The following RNF32 variants were observed in gnomAD, a reference collection of about 807,000 sequenced individuals.
The protein encoded by RNF32 is ring finger protein 32.
In RNF32, 36 loss-of-function variants were observed where a neutral mutation model predicts 41.0. That is an observed-to-expected ratio of 0.88 (90% confidence interval 0.67 to 1.16). The LOEUF (loss-of-function observed/expected upper bound fraction) is 1.16. RNF32 is among the 50% of genes most tolerant of loss of function. RNF32 has a pLI of 0.00. For synonymous variants in RNF32, 154 were observed against 160.9 expected, an observed-to-expected ratio of 0.96 and a Z score of 0.32; for missense variants, 413 against 436.7, an observed-to-expected ratio of 0.95 and a Z score of 0.48.
intron 7 of RNF32, among the ~76,000 whole-genome samples, chr7:156,663,706 A>G (rs915531270): frequency 6.6e-6 from 1 of 152,236 alleles, no homozygotes; most frequent in African/African-American, 2.4e-5. Context: ...TTTGGCAACT[A>G]AGATTCTTGG....
intron 6 of RNF32, 87 bp downstream of exon 6, chr7:156,658,339 T>C: frequency 6.3e-7 from 1 of 1,575,410 alleles, no homozygotes; most frequent in South Asian, 1.1e-5. Flanking sequence ...GGATTTTATC[T>C]CTCTTCTTGG....
intron 7 of RNF32, chr7:156,660,257 T>C (rs1057148625): frequency 1.0e-6 from 1 of 985,324 alleles, no homozygotes; most frequent in East Asian, 1.1e-4. Context: ...TGAAGCTTTC[T>C]TCCAATTTCT....
Position 156,644,540 on chromosome 7 carries a change from T to A in RNF32, c.57T>A (p.Val19=), listed in dbSNP as rs748899403. The part of the protein sequence containing the change: ...SKKDNLAVNA[V]ALQDHILHDL... ...AAGATAACTTGGCAGTCAATGCAGT[T>A]GCTTTACAAGATCACATTTTACATG... Residue 19 remains valine (V), a synonymous_variant, in exon 3 of 9, where the codon GTT becomes GTA. Coordinates refer to ENST00000317955, the MANE Select transcript of RNF32 (RefSeq NM_030936.4). 6.2e-7 allele frequency: 1 copy of A among 1,612,254 alleles called. No individual in the cohort carries two copies. Among genetic ancestry groups the A allele is most frequent in the South Asian group, 1.1e-5 (1 of 90,886 alleles).
Position 156,670,278 on chromosome 7 carries a change from G to C in RNF32, c.685-5418G>C, listed in dbSNP as rs1802187813. 6.6e-6 allele frequency among the ~76,000 whole-genome samples: 1 copy of C among 152,164 alleles called. No individual in the cohort carries two copies. Among genetic ancestry groups the C allele is most frequent in the Non-Finnish European group, 1.5e-5 (1 of 68,032 alleles). ...GGCTGGCTCTACTGTTTTGACTTTG[G>C]CTCTTGATACACACACATTCTAGTC... On this transcript the variant is annotated intron_variant, in intron 7 of 8. Transcript: ENST00000317955. This position sits in a 1 kb window ranked among gnomAD's most constrained non-coding sequence, Gnocchi z 4.3.
chr7:156,640,552 A>G (rs1002055411), upstream of RNF32: 6 of 389,218 alleles, frequency 1.5e-5, no homozygotes, highest in South Asian at 3.7e-5. Flanking sequence ...CTAGACGCTG[A>G]CGCCGTGCGC....
At chr7:156,652,621 T>C (rs1563075133) in intron 3 of RNF32, among the ~76,000 whole-genome samples, 1 of 152,158 alleles carries the variant, frequency 6.6e-6, no homozygotes, top group Non-Finnish European at 1.5e-5. Flanking sequence ...CTTCATGACG[T>C]CTTGATGACT....
chr7:156,650,264 C>T (rs1798545294), intron 3 of RNF32, among the ~76,000 whole-genome samples: 1 of 152,094 alleles, frequency 6.6e-6, no homozygotes, highest in Non-Finnish European at 1.5e-5. Flanking sequence ...GGTCAGTCCT[C>T]AACAACAAGG....
At chr7:156,643,642 C>T (rs1797646566) in intron 1 of RNF32, 159 bp from the exon 2 acceptor site, 2 of 564,828 alleles carry the variant, frequency 3.5e-6, no homozygotes, top group African/African-American at 1.9e-5. Context: ...CTTGAGTTCA[C>T]CCCCTTCCTC....
intron 7 of RNF32, among the ~76,000 whole-genome samples, chr7:156,675,094 G>A (rs531236957): frequency 1.5e-4 from 23 of 152,342 alleles, no homozygotes; most frequent in African/African-American, 2.9e-4. Flanking sequence ...CTAAGGCAGC[G>A]CAGACCGGAA....
chr7:156,663,242 A>T (rs1375109392), intron 7 of RNF32, among the ~76,000 whole-genome samples: 3 of 152,216 alleles, frequency 2.0e-5, no homozygotes, highest in African/African-American at 4.8e-5. Flanking sequence ...AGAGAGTAAA[A>T]AACCATAAAG....
At chr7:156,673,906 T>TAA (rs3030984) in intron 7 of RNF32, among the ~76,000 whole-genome samples, 1,776 of 100,810 alleles carry the variant, frequency 0.018, 41 homozygotes, top group African/African-American at 0.07. Flanking sequence ...TCCACATTAA[T>TAA]AAAAAAAAAA....
intron 3 of RNF32, among the ~76,000 whole-genome samples, chr7:156,651,029 C>A (rs1009735953): frequency 6.6e-6 from 1 of 152,110 alleles, no homozygotes; most frequent in Non-Finnish European, 1.5e-5. Flanking sequence ...TTCTCCATAG[C>A]GTTCATCACA....
intron 3 of RNF32, among the ~76,000 whole-genome samples, chr7:156,647,866 A>G (rs1798180238): frequency 6.6e-6 from 1 of 152,140 alleles, no homozygotes; most frequent in Non-Finnish European, 1.5e-5. Flanking sequence ...CTTTTTAGTA[A>G]TGGTCATTCT....
intron 3 of RNF32, among the ~76,000 whole-genome samples, chr7:156,652,504 T>C (rs752780572): frequency 1.2e-4 from 19 of 152,218 alleles, no homozygotes; most frequent in Non-Finnish European, 1.8e-4. Flanking sequence ...TCTCCTGATA[T>C]ATGTTTTTCT....
rs1802339767 is a variant in RNF32 at position 156,670,914 on chromosome 7, AAT to A, written c.685-4780_685-4779del. ...CAGTGGTAAAAATGTGAGTAAATCT[AAT>A]AGACATTGATTCCACCGAACAAGAA... On this transcript the variant is annotated intron_variant, in intron 7 of 8. Transcript: ENST00000317955. This position sits in a 1 kb window ranked among gnomAD's most constrained non-coding sequence, Gnocchi z 4.3. Among the ~76,000 whole-genome samples, 1 of 152,258 alleles carries A rather than the reference AAT, an allele frequency of 6.6e-6. No individual in the cohort carries two copies. The highest frequency in any genetic ancestry group is 6.5e-5 in the Admixed American group (1 of 15,286).
intron 4 of RNF32, among the ~76,000 whole-genome samples, chr7:156,657,151 G>A (rs949027330): frequency 3.3e-5 from 5 of 152,196 alleles, no homozygotes; most frequent in African/African-American, 1.2e-4. Flanking sequence ...TAACTGAGCT[G>A]AACAAAGACC....
intron 7 of RNF32, among the ~76,000 whole-genome samples, chr7:156,665,515 A>G (rs1383677235): frequency 6.6e-6 from 1 of 152,246 alleles, no homozygotes; most frequent in African/African-American, 2.4e-5. Flanking sequence ...CAGCAGCTAC[A>G]TTTCTAAGTG....
chr7:156,655,520 T>A (rs1799520510), intron 4 of RNF32, among the ~76,000 whole-genome samples: 1 of 152,210 alleles, frequency 6.6e-6, no homozygotes, highest in Admixed American at 6.5e-5. Context: ...CAAATACAGT[T>A]AAAATCAGCC....
In RNF32 at chr7:156,649,623, T is replaced by C. The variant is rs769045654; in HGVS notation, c.274+4866T>C. Among the ~76,000 whole-genome samples, 29 of 152,226 alleles carry C rather than the reference T, an allele frequency of 1.9e-4. 1 individual carries two copies. Among genetic ancestry groups the C allele is most frequent in the Middle Eastern group, 3.2e-3 (1 of 316 alleles). On this transcript the variant is annotated intron_variant, in intron 3 of 8. Coordinates refer to ENST00000317955, the MANE Select transcript of RNF32 (RefSeq NM_030936.4). ...TGCTACAGGTTTTTAAACTCATTAA[T>C]AGGTGTACTTTTTTAAATGCTTTTT... is the stretch of plus-strand genomic sequence containing the variant.
Sources: gnomAD v4.1 joint callset for allele counts (sites outside exome capture counted in the v4.1 genomes callset) on GRCh38, gnomAD v4.1.1 for gene constraint, Gnocchi (gnomAD v3.1) non-coding constraint, MANE v1.5 for transcripts, NCBI Gene and HGNC (gene_info 2026-07-23, HGNC 2026-07-21) for gene names.